LMTK2: variants seen among roughly 807,000 people sequenced by gnomAD.
LMTK2 encodes the protein lemur tail kinase 2.
Under a neutral mutation model 127.5 loss-of-function variants are expected in LMTK2, and 37 were observed. The observed-to-expected ratio is 0.29, with a 90% CI of 0.22 to 0.38. The LOEUF (loss-of-function observed/expected upper bound fraction) is 0.38. Among genes scored for constraint, LMTK2 ranks in the 10% least tolerant of loss-of-function variants. The pLI, the probability that LMTK2 is intolerant of heterozygous loss-of-function variation, is 1.00. For missense variants in LMTK2, 1,694 were observed against 1,920.3 expected, an observed-to-expected ratio of 0.88 and a Z score of 2.20; for synonymous variants, 819 against 810.1, an observed-to-expected ratio of 1.01 and a Z score of -0.19.
rs188506048 is a variant in LMTK2, at chr7:98,150,201, G to A, written c.377-1181G>A. Reference sequence around the variant, plus strand: ...CAGGTGCCTGTAGTCCCAGCTACTCGGGAGGCTGAGGCGGGAGAATCACTT... The same window carrying A: ...CAGGTGCCTGTAGTCCCAGCTACTCAGGAGGCTGAGGCGGGAGAATCACTT... On this transcript the variant is annotated intron_variant, in intron 3 of 13. Transcript: ENST00000297293. 2.1e-3 allele frequency among the ~76,000 whole-genome samples: 318 copies of A among 152,024 alleles called. 3 individuals carry two copies. The highest frequency in any genetic ancestry group is 7.4e-3 in the African/African-American group (306 of 41,462).
rs572100217 is a variant in LMTK2 at position 98,157,506 on chromosome 7, G to A, written c.570-1832G>A. Among the ~76,000 whole-genome samples the A allele has an allele frequency of 1.8e-4, 28 of 151,938 alleles. No individual in the cohort carries two copies. In the South Asian group the frequency reaches 1.9e-3, roughly 10 times the overall value. On this transcript the variant is annotated intron_variant, in intron 5 of 13. Coordinates refer to ENST00000297293, the MANE Select transcript of LMTK2 (RefSeq NM_014916.4). ...TCCAGAGCAGTGAAAACTTTTTTCCGTACAAAAACCCTTGCATGATTGTTC... is the reference window on the plus strand; with the variant it reads ...TCCAGAGCAGTGAAAACTTTTTTCCATACAAAAACCCTTGCATGATTGTTC...
At chr7:98,132,512 G>C (rs747683799) in intron 1 of LMTK2, among the ~76,000 whole-genome samples, 1 of 152,132 alleles carries the variant, frequency 6.6e-6, no homozygotes, top group African/African-American at 2.4e-5. Flanking sequence ...GCCTCCCAAA[G>C]TGCTGAGATT....
intron 7 of LMTK2, among the ~76,000 whole-genome samples, chr7:98,173,465 T>A (rs762901268): frequency 6.6e-6 from 1 of 152,192 alleles, no homozygotes; most frequent in Non-Finnish European, 1.5e-5. Context: ...TTTATATTGT[T>A]AATATATCTT....
Position 98,186,966 on chromosome 7 carries a change from A to G in LMTK2, c.966A>G (p.Leu322=), listed in dbSNP as rs757267051. 3.7e-5 allele frequency: 59 copies of G among 1,613,730 alleles called. No individual in the cohort carries two copies. The highest frequency in any genetic ancestry group is 6.7e-5 in the African/African-American group (5 of 74,930). ...ELVTSFQDRL[L]TADQTKYSNI... ...TAACCAGCTTTCAAGACAGACTGCTAACTGCAGATCAGACTAAGTATAGTA... is the reference window on the plus strand; with the variant it reads ...TAACCAGCTTTCAAGACAGACTGCTGACTGCAGATCAGACTAAGTATAGTA... The change falls in exon 9 of 14, where the codon CTA becomes CTG. Residue 322 remains leucine, a synonymous_variant. Coordinates refer to ENST00000297293, the MANE Select transcript of LMTK2 (RefSeq NM_014916.4).
At chr7:98,144,477 T>C (rs1395253578) in intron 3 of LMTK2, among the ~76,000 whole-genome samples, 2 of 151,698 alleles carry the variant, frequency 1.3e-5, no homozygotes, top group Non-Finnish European at 2.9e-5. Flanking sequence ...TTGAAAAGTC[T>C]CCCTGTGGTA....
At chr7:98,198,526 G>T (rs547936012) in intron 11 of LMTK2, among the ~76,000 whole-genome samples, 3 of 151,708 alleles carry the variant, frequency 2.0e-5, no homozygotes, top group African/African-American at 7.3e-5. Context: ...TCGCTCTGTC[G>T]CCCAGGCTGT....
rs1797597774 is a variant in LMTK2 at position 98,194,507 on chromosome 7, G to A, written c.4042G>A (p.Asp1348Asn). Residue 1348 changes from aspartate to asparagine, a missense_variant, in exon 11 of 14, where the codon GAC (aspartate) becomes AAC (asparagine). Physicochemically the swap from Asp to Asn is conservative, Grantham distance 23. This residue lies in a region of LMTK2 where 554 missense variants were observed against 567.7 expected (regional missense o/e 0.98). Transcript: ENST00000297293. The surrounding 1 kb of genome is among the most constrained non-coding windows in gnomAD (Gnocchi z 5.4). ...AANAPDPLPE[D>N]WKKEKKAVTF... ...CAATGCCCCCGACCCACTGCCCGAG[G>A]ACTGGAAGAAGGAAAAGAAGGCAGT... The A allele has an allele frequency of 6.2e-7, 1 of 1,613,274 alleles. No individual in the cohort carries two copies. The highest frequency in any genetic ancestry group is 8.5e-7 in the Non-Finnish European group (1 of 1,180,038).
chr7:98,135,317 T>C (rs55722207), intron 1 of LMTK2, among the ~76,000 whole-genome samples: 2,174 of 152,212 alleles, frequency 0.014, 25 homozygotes, highest in Non-Finnish European at 0.022. Context: ...TTTTATTTTT[T>C]ATTTTTATTT....
chr7:98,108,092 G>A (rs1393181673), intron 1 of LMTK2, among the ~76,000 whole-genome samples: 1 of 152,178 alleles, frequency 6.6e-6, no homozygotes, highest in Non-Finnish European at 1.5e-5. Context: ...CATTACCTTT[G>A]AAATGGGGAA....
At chr7:98,199,505 T>G (rs977729442) in intron 11 of LMTK2, among the ~76,000 whole-genome samples, 31 of 149,808 alleles carry the variant, frequency 2.1e-4, no homozygotes, top group Admixed American at 1.9e-3. Flanking sequence ...CAGCTTTCTT[T>G]CTTTTTTCGG....
intron 1 of LMTK2, among the ~76,000 whole-genome samples, chr7:98,133,854 A>G (rs1206070134): frequency 6.6e-6 from 1 of 152,222 alleles, no homozygotes; most frequent in African/African-American, 2.4e-5. Flanking sequence ...GCATTCATAC[A>G]GTCCTTATCC....
chr7:98,133,915 ACT>A (rs1402171908), intron 1 of LMTK2, among the ~76,000 whole-genome samples: 2 of 152,058 alleles, frequency 1.3e-5, no homozygotes, highest in African/African-American at 2.4e-5. Context: ...CAAAACAAAA[ACT>A]CTGGGTGCAA....
chr7:98,197,568 G>A (rs547507938), intron 11 of LMTK2, among the ~76,000 whole-genome samples: 3 of 152,344 alleles, frequency 2.0e-5, no homozygotes, highest in African/African-American at 7.2e-5. Context: ...AACAAGCACT[G>A]AAGGCTGGGC....
chr7:98,111,084 A>G (rs1796195607), intron 1 of LMTK2, among the ~76,000 whole-genome samples: 1 of 152,190 alleles, frequency 6.6e-6, no homozygotes, highest in African/African-American at 2.4e-5. Context: ...AATTACTTTT[A>G]CTTGGTGATA....
Position 98,206,065 on chromosome 7 carries a change from C to T in LMTK2, c.*573C>T, listed in dbSNP as rs562027927. On this transcript the variant is annotated 3_prime_UTR_variant, in exon 14 of 14. Transcript: ENST00000297293. ...AGGCAGGTCAAGCCGATGCTAGCCA[C>T]TAGTTTGATTTTTTTTCTGTTTTAT... is the stretch of plus-strand genomic sequence containing the variant. The T allele has an allele frequency of 1.3e-5, 2 of 153,968 alleles. No individual in the cohort carries two copies. The highest frequency in any genetic ancestry group is 4.8e-5 in the African/African-American group (2 of 41,586). The allele number at this position is 153,968 out of a possible 1,614,324, so 9.5% of individuals were successfully genotyped here. A position where few individuals can be genotyped will look rare whatever the true frequency, so the allele number is the denominator to read the frequency against.
chr7:98,140,884 C>CAA (rs35204584), intron 2 of LMTK2, among the ~76,000 whole-genome samples: 66 of 134,202 alleles, frequency 4.9e-4, no homozygotes, highest in African/African-American at 1.2e-3. Context: ...TCTGCCTCTA[C>CAA]AAAAAAAAAA....
intron 4 of LMTK2, among the ~76,000 whole-genome samples, chr7:98,151,732 A>C (rs1029937265): frequency 6.6e-6 from 1 of 152,248 alleles, no homozygotes; most frequent in African/African-American, 2.4e-5. Context: ...TATTTCTCAC[A>C]ATCCTGGAGG....
At chr7:98,201,276 T>C (rs13228463) in intron 11 of LMTK2, among the ~76,000 whole-genome samples, 18,194 of 152,156 alleles carry the variant, frequency 0.12, 1,683 homozygotes, top group African/African-American at 0.25. Context: ...GAAGTACAAG[T>C]GGAGCGTCCC....
Position 98,107,073 on chromosome 7 carries a change from G to A in LMTK2, c.-105G>A. The A allele has an allele frequency of 1.2e-6, 1 of 854,004 alleles. No homozygotes were observed. Among genetic ancestry groups the A allele is most frequent in the Non-Finnish European group, 1.6e-6 (1 of 610,014 alleles). 52.9% of individuals were successfully genotyped at this position (854,004 alleles called of 1,614,324 possible). ...CGTGTGCTCGGGAGCAACCGGCGCG[G>A]GTGCCACTGAGGCAGCGGAGGGAGG... On this transcript the variant is annotated 5_prime_UTR_variant, in exon 1 of 14. Coordinates refer to ENST00000297293, the MANE Select transcript of LMTK2 (RefSeq NM_014916.4).
Sources: allele counts gnomAD v4.1 joint callset (sites outside exome capture counted in the v4.1 genomes callset), GRCh38; gene constraint gnomAD v4.1.1; regional missense constraint gnomAD v4.1.1; non-coding constraint Gnocchi (gnomAD v3.1); transcripts MANE v1.5; gene names NCBI Gene and HGNC (gene_info 2026-07-23, HGNC 2026-07-21).